The following DAB2IP variants were observed in gnomAD, a reference collection of about 807,000 sequenced individuals.
DAB2IP encodes the protein DAB2 interacting protein.
In DAB2IP, 28 loss-of-function variants were observed where a neutral mutation model predicts 107.2. That is an observed-to-expected ratio of 0.26 (90% CI 0.19 to 0.36). The LOEUF (loss-of-function observed/expected upper bound fraction) is 0.36, where lower values mean the gene tolerates loss of function less well. Ranked by LOEUF, DAB2IP falls within the 10% of genes least tolerant of loss-of-function variation. DAB2IP has a pLI of 1.00. For synonymous variants in DAB2IP, 755 were observed against 706.4 expected (o/e 1.07, Z -1.09); for missense variants, 1,400 against 1,644.7 (o/e 0.85, Z 2.57).
intron 1 of DAB2IP, among the ~76,000 whole-genome samples, chr9:121,640,835 G>C (rs1448321442): frequency 1.3e-5 from 2 of 152,196 alleles, no homozygotes; most frequent in Non-Finnish European, 2.9e-5. Flanking sequence ...GAGGCCTTCT[G>C]CAGTTCCCAG....
intron 1 of DAB2IP, among the ~76,000 whole-genome samples, chr9:121,573,804 T>A (rs1394377627): frequency 6.6e-6 from 1 of 152,172 alleles, no homozygotes; most frequent in African/African-American, 2.4e-5. Flanking sequence ...GTGAGTGCAC[T>A]GATTTGAACC....
chr9:121,709,840 A>C (rs1830247113), intron 3 of DAB2IP, among the ~76,000 whole-genome samples: 1 of 152,156 alleles, frequency 6.6e-6, no homozygotes, highest in African/African-American at 2.4e-5. Context: ...AAAATCACAT[A>C]GCCAGGATTA....
chr9:121,734,695 G>A (rs953802744), intron 3 of DAB2IP, among the ~76,000 whole-genome samples: 17 of 152,200 alleles, frequency 1.1e-4, no homozygotes, highest in Non-Finnish European at 1.8e-4. Flanking sequence ...GGGAAATCTA[G>A]GAAGGCTTCC....
At chr9:121,569,997 G>C (rs1829897346) in intron 1 of DAB2IP, among the ~76,000 whole-genome samples, 1 of 151,944 alleles carries the variant, frequency 6.6e-6, no homozygotes, top group African/African-American at 2.4e-5. Context: ...GTCTTGCTGT[G>C]TTGCCCAGGC....
intron 1 of DAB2IP, among the ~76,000 whole-genome samples, chr9:121,588,383 A>G (rs1830350080): frequency 6.6e-6 from 1 of 151,860 alleles, no homozygotes; most frequent in Non-Finnish European, 1.5e-5. Context: ...CTGCTGGGTC[A>G]TTCCCACCAG....
chr9:121,604,670 C>T (rs1384047030), intron 1 of DAB2IP, among the ~76,000 whole-genome samples: 1 of 152,190 alleles, frequency 6.6e-6, no homozygotes, highest in East Asian at 1.9e-4. Context: ...CTCATTGCCC[C>T]CCTAAGGGTG....
At chr9:121,605,979 C>G (rs2777318) in intron 1 of DAB2IP, among the ~76,000 whole-genome samples, 21,643 of 152,152 alleles carry the variant, frequency 0.14, 2,096 homozygotes, top group Non-Finnish European at 0.21. Flanking sequence ...ACAGAAACAT[C>G]TGTCCCTGAG....
intron 1 of DAB2IP, among the ~76,000 whole-genome samples, chr9:121,576,861 G>A (rs1830070368): frequency 6.6e-6 from 1 of 152,126 alleles, no homozygotes; most frequent in Admixed American, 6.6e-5. Context: ...TTTGAGAGAG[G>A]CCTGGATTCC....
exon 9 of DAB2IP, chr9:121,766,497 C>T (rs553841623): frequency 2.5e-6 from 4 of 1,605,296 alleles, no homozygotes; most frequent in Non-Finnish European, 8.5e-7. Context: ...TACACAGTGT[C>T]TTCCCACGGG....
chr9:121,717,096 A>G (rs1830646174), intron 3 of DAB2IP, among the ~76,000 whole-genome samples: 1 of 152,100 alleles, frequency 6.6e-6, no homozygotes, highest in Admixed American at 6.5e-5. Context: ...GCCCCGGGGG[A>G]ATCTTGCCCT....
intron 3 of DAB2IP, among the ~76,000 whole-genome samples, chr9:121,714,789 C>G (rs1008655998): frequency 2.0e-5 from 3 of 152,228 alleles, no homozygotes; most frequent in African/African-American, 7.2e-5. Context: ...GAGCCCAGAT[C>G]TGAAGGGTTT....
At chr9:121,652,182 G>C (rs748986650) in intron 1 of DAB2IP, among the ~76,000 whole-genome samples, 1 of 152,180 alleles carries the variant, frequency 6.6e-6, no homozygotes, top group Non-Finnish European at 1.5e-5. Context: ...CTACCCCACT[G>C]TGCCTCAGTT....
chr9:121,761,064 C>T (rs1833852410), intron 6 of DAB2IP, among the ~76,000 whole-genome samples: 1 of 152,178 alleles, frequency 6.6e-6, no homozygotes, highest in South Asian at 2.1e-4. Context: ...GCTCAATGTC[C>T]ATCTCCATGA....
chr9:121,708,718 G>A (rs1830179712), intron 3 of DAB2IP, among the ~76,000 whole-genome samples: 1 of 152,254 alleles, frequency 6.6e-6, no homozygotes, highest in Non-Finnish European at 1.5e-5. Context: ...TTAGGATTGA[G>A]CGAGCAGCAG....
At chr9:121,670,371 G>A (rs1833626437) in intron 1 of DAB2IP, among the ~76,000 whole-genome samples, 1 of 152,230 alleles carries the variant, frequency 6.6e-6, no homozygotes, top group African/African-American at 2.4e-5. Context: ...TTACAACCCT[G>A]CAAGCCCTCT....
At chr9:121,711,934 T>A (rs1316959249) in intron 3 of DAB2IP, among the ~76,000 whole-genome samples, 1 of 152,118 alleles carries the variant, frequency 6.6e-6, no homozygotes. Context: ...CCCTCTAGAC[T>A]CCCTCTGCAG....
chr9:121,576,753 C>T (rs1206366594), intron 1 of DAB2IP, among the ~76,000 whole-genome samples: 1 of 151,496 alleles, frequency 6.6e-6, no homozygotes, highest in East Asian at 1.9e-4. Context: ...AGGGCAGATT[C>T]TGGGGGGGGA....
intron 1 of DAB2IP, among the ~76,000 whole-genome samples, chr9:121,608,954 G>GTT (rs1207761527): frequency 6.6e-6 from 1 of 151,810 alleles, no homozygotes; most frequent in East Asian, 1.9e-4. Flanking sequence ...TTGTTTGTTT[G>GTT]TTTTTGAGAC....
Position 121,675,032 on chromosome 9 carries a change from G to A in DAB2IP, c.125-3646G>A, listed in dbSNP as rs150961280. Among the ~76,000 whole-genome samples, 84 of 152,148 alleles carry A rather than the reference G, an allele frequency of 5.5e-4. 1 individual carries two copies. The Middle Eastern group carries it at 0.02, about 37-fold the overall frequency. On this transcript the variant is annotated intron_variant, in intron 1 of 15. Coordinates refer to ENST00000408936, the Ensembl canonical transcript of DAB2IP. ...GTTCCATAACTGCAGTGGGTACCCCGTGTTTGTTGGTTTGATGGAGGCATC... is the reference window on the plus strand; with the variant it reads ...GTTCCATAACTGCAGTGGGTACCCCATGTTTGTTGGTTTGATGGAGGCATC...
Sources: gnomAD v4.1 joint callset for allele counts (sites outside exome capture counted in the v4.1 genomes callset) on GRCh38, gnomAD v4.1.1 for gene constraint, MANE v1.5 for transcripts, NCBI Gene and HGNC (gene_info 2026-07-23, HGNC 2026-07-21) for gene names.